CFAP299: variants seen among roughly 807,000 people sequenced by gnomAD.
CFAP299 encodes cilia- and flagella-associated protein 299.
Under a neutral mutation model 27.0 loss-of-function variants are expected in CFAP299, and 21 were observed. That is an observed-to-expected ratio of 0.78 (90% CI 0.55 to 1.12). CFAP299 has a LOEUF of 1.12. Ranked by LOEUF, CFAP299 falls within the 50% of genes most tolerant of loss-of-function variation. The pLI is 0.00. For synonymous variants in CFAP299, 104 were observed against 98.1 expected (o/e 1.06, Z -0.36); for missense variants, 310 against 276.6 (o/e 1.12, Z -0.86).
At chr4:80,925,810 T>C (rs533045147) in intron 4 of CFAP299, among the ~76,000 whole-genome samples, 5 of 152,080 alleles carry the variant, frequency 3.3e-5, no homozygotes, top group Non-Finnish European at 7.4e-5. Context: ...ATTAGAATAA[T>C]TGTGATGAAC....
intron 1 of CFAP299, among the ~76,000 whole-genome samples, chr4:80,338,008 G>A (rs1420982606): frequency 6.6e-6 from 1 of 152,098 alleles, no homozygotes; most frequent in Non-Finnish European, 1.5e-5. Flanking sequence ...GAAACAAGTA[G>A]ACTCCTCAGC....
intron 2 of CFAP299, among the ~76,000 whole-genome samples, chr4:80,565,459 C>T (rs571896809): frequency 3.3e-5 from 5 of 151,868 alleles, no homozygotes; most frequent in East Asian, 3.9e-4. Flanking sequence ...TTTTAAAAAA[C>T]GATCTATGTA....
chr4:80,872,748 G>A (rs1461097071), intron 4 of CFAP299: 1 of 227,574 alleles, frequency 4.4e-6, no homozygotes. Context: ...TTTATTGGCT[G>A]TTCAGATTTT....
At chr4:80,933,705 T>C (rs918911968) in intron 4 of CFAP299, among the ~76,000 whole-genome samples, 1 of 152,138 alleles carries the variant, frequency 6.6e-6, no homozygotes, top group African/African-American at 2.4e-5. Context: ...TAAATGTTAC[T>C]ATTTTCTTAA....
At chr4:80,898,380 G>A (rs575054722) in intron 4 of CFAP299, among the ~76,000 whole-genome samples, 4 of 151,976 alleles carry the variant, frequency 2.6e-5, no homozygotes, top group Admixed American at 2.0e-4. Context: ...AACTCAAGCT[G>A]CTTCTCTCTA....
intron 3 of CFAP299, 65 bp downstream of exon 3, chr4:80,583,248 G>A: frequency 1.1e-6 from 1 of 887,414 alleles, no homozygotes; most frequent in Non-Finnish European, 1.7e-6. Flanking sequence ...ATTAAAAAAT[G>A]TAACATTAAA....
At chr4:80,634,261 T>C (rs2867784) in intron 3 of CFAP299, among the ~76,000 whole-genome samples, 47,354 of 151,890 alleles carry the variant, frequency 0.31, 10,753 homozygotes, top group African/African-American at 0.63. Flanking sequence ...GGATTACTGT[T>C]GTGAGCCACC....
intron 2 of CFAP299, among the ~76,000 whole-genome samples, chr4:80,493,439 A>T (rs972708907): frequency 2.0e-5 from 3 of 152,136 alleles, no homozygotes; most frequent in African/African-American, 4.8e-5. Context: ...AGATGATGGG[A>T]TGAGTGCTTT....
chr4:80,335,483 A>G (rs936340132), upstream of CFAP299, among the ~76,000 whole-genome samples: 2 of 152,216 alleles, frequency 1.3e-5, no homozygotes, highest in Non-Finnish European at 2.9e-5. Flanking sequence ...AGGCAGTGTC[A>G]TACTTTTTAA....
chr4:80,745,993 G>A lies in CFAP299; in HGVS notation c.334-124000G>A, dbSNP rs141708281. Among the ~76,000 whole-genome samples the A allele has an allele frequency of 4.2e-3, 636 of 152,084 alleles. 5 individuals are homozygous for A. The highest frequency in any genetic ancestry group is 0.014 in the African/African-American group (594 of 41,512). On this transcript the variant is annotated intron_variant, in intron 3 of 5. Coordinates refer to ENST00000358105, the MANE Select transcript of CFAP299 (RefSeq NM_152770.3). ...ATTTCTAATTCATTTGTTTCCTGTG[G>A]TCTTCTGGCTATCAGTCCCTTCTGG... is the stretch of plus-strand genomic sequence containing the variant.
intron 3 of CFAP299, among the ~76,000 whole-genome samples, chr4:80,739,237 G>A (rs950443857): frequency 6.6e-6 from 1 of 152,050 alleles, no homozygotes; most frequent in African/African-American, 2.4e-5. Context: ...GTTTTCCTAT[G>A]TGCTTACTAT....
chr4:80,896,262 G>T (rs1385179626), intron 4 of CFAP299, among the ~76,000 whole-genome samples: 3 of 151,920 alleles, frequency 2.0e-5, no homozygotes, highest in Non-Finnish European at 4.4e-5. Context: ...TATCCAGAAT[G>T]GTTATTTTGT....
At chr4:80,742,810 G>T (rs1327682022) in intron 3 of CFAP299, among the ~76,000 whole-genome samples, 1 of 152,142 alleles carries the variant, frequency 6.6e-6, no homozygotes, top group African/African-American at 2.4e-5. Flanking sequence ...GTGGAATGTT[G>T]ATCTTAATTC....
chr4:80,333,501 T>C (rs1239673402), upstream of CFAP299, among the ~76,000 whole-genome samples: 1 of 152,216 alleles, frequency 6.6e-6, no homozygotes, highest in Non-Finnish European at 1.5e-5. Context: ...CTTCCTGTCA[T>C]GTCAACAAAC....
In CFAP299 at chr4:80,800,082, A is replaced by G. The variant is rs1046854468; in HGVS notation, c.334-69911A>G. Among the ~76,000 whole-genome samples, 120 of 69,110 alleles carry G rather than the reference A, an allele frequency of 1.7e-3. 1 individual carries two copies. The highest frequency in any genetic ancestry group is 6.6e-3 in the African/African-American group (112 of 16,972). The allele number at this position is 69,110 out of a possible 152,430, so 45.3% of individuals were successfully genotyped here. ...ATAATATATATTATATAAATAAAAT[A>G]TAAATATATATAATATATAATATAT... On this transcript the variant is annotated intron_variant, in intron 3 of 5. Coordinates refer to ENST00000358105, the MANE Select transcript of CFAP299 (RefSeq NM_152770.3).
chr4:80,814,292 C>T (rs1729311785), intron 3 of CFAP299, among the ~76,000 whole-genome samples: 1 of 151,996 alleles, frequency 6.6e-6, no homozygotes, highest in African/African-American at 2.4e-5. Flanking sequence ...TCAGAAACCC[C>T]ACAAACTTGT....
At chr4:80,712,440 GACTA>G (rs1198296303) in intron 3 of CFAP299, among the ~76,000 whole-genome samples, 17 of 152,252 alleles carry the variant, frequency 1.1e-4, no homozygotes, top group Admixed American at 2.0e-4. Flanking sequence ...GCATGACAAA[GACTA>G]ACTAACAATG....
At chr4:80,556,514 C>T (rs762325745) in intron 2 of CFAP299, among the ~76,000 whole-genome samples, 21 of 151,896 alleles carry the variant, frequency 1.4e-4, no homozygotes, top group East Asian at 1.9e-4. Context: ...TAAATATAAC[C>T]GAAAGGAAGC....
At chr4:80,781,264 T>C (rs1726861658) in intron 3 of CFAP299, among the ~76,000 whole-genome samples, 1 of 152,038 alleles carries the variant, frequency 6.6e-6, no homozygotes, top group Admixed American at 6.6e-5. Context: ...TGTTGATCCT[T>C]AAGACCTTAA....
Sources: allele counts gnomAD v4.1 joint callset (sites outside exome capture counted in the v4.1 genomes callset), GRCh38; gene constraint gnomAD v4.1.1; transcripts MANE v1.5; gene names NCBI Gene and HGNC (gene_info 2026-07-23, HGNC 2026-07-21).